OTUD6A: variants seen among roughly 807,000 people sequenced by gnomAD.
OTUD6A encodes OTU domain-containing protein 6A.
For synonymous variants in OTUD6A, 138 were observed against 120.2 expected, an observed-to-expected ratio of 1.15 and a Z score of -0.97; for missense variants, 209 against 268.2, an observed-to-expected ratio of 0.78 and a Z score of 1.54.
rs748580751 is a variant in OTUD6A, at chrX:70,063,379, G to C, written c.855G>C (p.Pro285=). The C allele has an allele frequency of 1.0e-5, 12 of 1,190,884 alleles. No individual in the cohort carries two copies. In the East Asian group the frequency reaches 3.6e-4, roughly 36 times the overall value. The change falls in exon 1 of 1, where the codon CCG becomes CCC. Residue 285 remains proline, a synonymous_variant. Transcript: ENST00000338352. ...CCGGCGCCGCCGGGGGCGTGCTCCC[G>C]CGTCTCCTGTAGGCCCCAAGGCGCT... ...LEAGAAGGVL[P]RLL is the part of the protein sequence containing the mutation.
Position 70,063,637 on chromosome X carries a change from A to C in OTUD6A, c.*246A>C, listed in dbSNP as rs1324829603. On this transcript the variant is annotated 3_prime_UTR_variant, in exon 1 of 1. Transcript: ENST00000338352. ...TGCATTGCACCACCAGAGGGGCATA[A>C]ATTTGAAAGTTCTAACCTCTTCTTG... The C allele has an allele frequency of 1.3e-5, 5 of 392,253 alleles. No homozygotes were observed. The highest frequency in any genetic ancestry group is 1.0e-4 in the African/African-American group (4 of 39,361). The allele number at this position is 392,253 out of a possible 1,213,427, so 32.3% of individuals were successfully genotyped here.
rs757064205 is a variant in OTUD6A, at chrX:70,062,964, C to T, written c.440C>T (p.Pro147Leu). The T allele has an allele frequency of 1.7e-6, 2 of 1,203,453 alleles. No homozygotes were observed. The highest frequency in any genetic ancestry group is 2.2e-5 in the Admixed American group (1 of 45,157). Reference protein sequence around the residue: ...GARGLEMKAIPADGHCMYRAI... With the variant: ...GARGLEMKAILADGHCMYRAI... Reference sequence around the variant, plus strand: ...AGGGGTCTGGAGATGAAAGCGATCCCGGCCGACGGCCACTGCATGTACCGC... The same window carrying T: ...AGGGGTCTGGAGATGAAAGCGATCCTGGCCGACGGCCACTGCATGTACCGC... The change falls in exon 1 of 1, where the codon CCG (proline) becomes CTG (leucine). Residue 147 changes from proline to leucine, a missense_variant. Physicochemically the swap from Pro to Leu is moderately conservative, Grantham distance 98 (BLOSUM62 -3). Coordinates refer to ENST00000338352, the MANE Select transcript of OTUD6A (RefSeq NM_207320.3).
rs902989065 is a variant in OTUD6A, at chrX:70,063,426, G to A, written c.*35G>A. 6 of 1,134,296 alleles carry A rather than the reference G, an allele frequency of 5.3e-6. No homozygotes were observed. In the African/African-American group the frequency reaches 7.3e-5, roughly 14 times the overall value. 93.5% of individuals were successfully genotyped at this position (1,134,296 alleles called of 1,213,427 possible). The stretch of plus-strand genomic sequence containing the variant: ...CGCTGAGCAGCCCCGGGAAACTGTC[G>A]CCGTCGCCGCATCTCCTCAGTAGGC... On this transcript the variant is annotated 3_prime_UTR_variant, in exon 1 of 1. Coordinates refer to ENST00000338352, the MANE Select transcript of OTUD6A (RefSeq NM_207320.3).
In OTUD6A at chrX:70,062,986, C is replaced by T. The variant is rs753556435; in HGVS notation, c.462C>T (p.Tyr154=). The T allele has an allele frequency of 2.5e-6, 3 of 1,210,204 alleles. No homozygotes were observed. Among genetic ancestry groups the T allele is most frequent in the Non-Finnish European group, 3.4e-6 (3 of 894,795 alleles). ...TCCCGGCCGACGGCCACTGCATGTA[C>T]CGCGCCATCCAAGACCAGCTGGTGT... ...KAIPADGHCM[Y]RAIQDQLVFS... is the part of the protein sequence containing the mutation. Residue 154 remains tyrosine, a synonymous_variant, in exon 1 of 1, where the codon TAC becomes TAT. Transcript: ENST00000338352.
rs1275524381 is a variant in OTUD6A, at chrX:70,063,751, G to A, written c.*360G>A. ...ACAAAAATGGAAATATTGGCCGGGC[G>A]CGGTGGCTCACGCCTGTAATCCCAG... On this transcript the variant is annotated 3_prime_UTR_variant, in exon 1 of 1. Coordinates refer to ENST00000338352, the MANE Select transcript of OTUD6A (RefSeq NM_207320.3). 4 of 159,908 alleles carry A rather than the reference G, an allele frequency of 2.5e-5. No homozygotes were observed. Among genetic ancestry groups the A allele is most frequent in the African/African-American group, 9.3e-5 (3 of 32,418 alleles). 13.2% of individuals were successfully genotyped at this position (159,908 alleles called of 1,213,427 possible). A position where few individuals can be genotyped will look rare whatever the true frequency, so the allele number is the denominator to read the frequency against.
Position 70,064,052 on chromosome X carries a change from G to A in OTUD6A, c.*661G>A. 9.0e-6 allele frequency: 1 copy of A among 111,468 alleles called. No individual in the cohort carries two copies. Among genetic ancestry groups the A allele is most frequent in the Admixed American group, 9.5e-5 (1 of 10,547 alleles). The allele number at this position is 111,468 out of a possible 1,213,427, so 9.2% of individuals were successfully genotyped here. ...AAAAATTAGCCAGGCAGGTTGGCGG[G>A]GGCCTGTAATCCTAGCTACTTGGGG... On this transcript the variant is annotated 3_prime_UTR_variant, in exon 1 of 1. Transcript: ENST00000338352.
rs2020458257 is a variant in OTUD6A, at chrX:70,063,123, A to G, written c.599A>G (p.Tyr200Cys). ...SNPETSDSFG[Y>C]DDFMIYCDNI... Reference sequence around the variant, plus strand: ...CCCGAGACCAGCGACTCCTTCGGCTACGACGACTTCATGATCTACTGCGAC... The same window carrying G: ...CCCGAGACCAGCGACTCCTTCGGCTGCGACGACTTCATGATCTACTGCGAC... Residue 200 changes from tyrosine (Y) to cysteine (C), a missense_variant, in exon 1 of 1, where the codon TAC becomes TGC. Transcript: ENST00000338352. 8.3e-7 allele frequency: 1 copy of G among 1,209,520 alleles called. No homozygotes were observed. Among genetic ancestry groups the G allele is most frequent in the Non-Finnish European group, 1.1e-6 (1 of 895,152 alleles).
Position 70,063,437 on chromosome X carries a change from A to G in OTUD6A, c.*46A>G. On this transcript the variant is annotated 3_prime_UTR_variant, in exon 1 of 1. Transcript: ENST00000338352. ...CCCGGGAAACTGTCGCCGTCGCCGC[A>G]TCTCCTCAGTAGGCTCAGTTTATTT... 1 of 1,119,976 alleles carries G rather than the reference A, an allele frequency of 8.9e-7. No individual in the cohort carries two copies. Among genetic ancestry groups the G allele is most frequent in the South Asian group, 2.2e-5 (1 of 46,101 alleles). 92.3% of individuals were successfully genotyped at this position (1,119,976 alleles called of 1,213,427 possible). A position where few individuals can be genotyped will look rare whatever the true frequency, so the allele number is the denominator to read the frequency against.
rs1360234577 is a variant in OTUD6A at position 70,063,343 on chromosome X, A to T, written c.819A>T (p.Thr273=). 4.2e-6 allele frequency: 5 copies of T among 1,203,211 alleles called. No individual in the cohort carries two copies. Among genetic ancestry groups the T allele is most frequent in the Admixed American group, 4.4e-5 (2 of 45,586 alleles). ...YSLGEHYNSV[T]PLEAGAAGGV... is the part of the protein sequence containing the mutation. The stretch of plus-strand genomic sequence containing the variant: ...TCGGCGAGCACTACAACTCCGTGAC[A>T]CCGCTCGAGGCCGGCGCCGCCGGGG... The change falls in exon 1 of 1, where the codon ACA becomes ACT. Residue 273 remains threonine (T), a synonymous_variant. Coordinates refer to ENST00000338352, the MANE Select transcript of OTUD6A (RefSeq NM_207320.3).
In OTUD6A at chrX:70,062,941, G is replaced by A; in HGVS notation, c.417G>A (p.Arg139=). 8.3e-7 allele frequency: 1 copy of A among 1,198,396 alleles called. No individual in the cohort carries two copies. The highest frequency in any genetic ancestry group is 1.1e-6 in the Non-Finnish European group (1 of 889,010). ...AGCTCGCCGCCATCCTGGGAGCCAG[G>A]GGTCTGGAGATGAAAGCGATCCCGG... ...EEKLAAILGA[R]GLEMKAIPAD... The change falls in exon 1 of 1, where the codon AGG becomes AGA. Residue 139 remains arginine (R), a synonymous_variant. Transcript: ENST00000338352.
rs144122625 is a variant in OTUD6A, at chrX:70,062,802, A to G, written c.278A>G (p.Lys93Arg). 6,766 of 1,204,999 alleles carry G rather than the reference A, an allele frequency of 5.6e-3. 195 individuals carry two copies. The African/African-American group carries it at 0.084, about 15-fold the overall frequency. ...GAAAACCGGCCTCCCCGCTCCTCCA[A>G]AGCCCACAGAAAGAGAGAAAGAATG... ...NLENRPPRSS[K>R]AHRKRERMES... The change falls in exon 1 of 1, where the codon AAA (lysine) becomes AGA (arginine). Residue 93 changes from lysine to arginine, a missense_variant. Lys to Arg is a conservative substitution (Grantham distance 26). Transcript: ENST00000338352.
chrX:70,063,214 G>A lies in OTUD6A; in HGVS notation c.690G>A (p.Lys230=). The part of the protein sequence containing the change: ...LELRALSHVL[K]TPIEVIQADS... ...TGAGGGCCCTGTCGCACGTCCTGAA[G>A]ACCCCCATCGAGGTGATCCAGGCCG... The change falls in exon 1 of 1, where the codon AAG becomes AAA. Residue 230 remains lysine, a synonymous_variant. Transcript: ENST00000338352. The A allele has an allele frequency of 8.3e-7, 1 of 1,211,563 alleles. No individual in the cohort carries two copies. Among genetic ancestry groups the A allele is most frequent in the Non-Finnish European group, 1.1e-6 (1 of 895,598 alleles).
Position 70,062,968 on chromosome X carries a change from C to G in OTUD6A, c.444C>G (p.Ala148=). 8.3e-7 allele frequency: 1 copy of G among 1,206,437 alleles called. No homozygotes were observed. The highest frequency in any genetic ancestry group is 1.1e-6 in the Non-Finnish European group (1 of 893,127). ...ARGLEMKAIP[A]DGHCMYRAIQ... Reference sequence around the variant, plus strand: ...GTCTGGAGATGAAAGCGATCCCGGCCGACGGCCACTGCATGTACCGCGCCA... The same window carrying G: ...GTCTGGAGATGAAAGCGATCCCGGCGGACGGCCACTGCATGTACCGCGCCA... The change falls in exon 1 of 1, where the codon GCC becomes GCG. Residue 148 remains alanine, a synonymous_variant. Transcript: ENST00000338352.
In OTUD6A at chrX:70,062,842, G is replaced by T; in HGVS notation, c.318G>T (p.Arg106Ser). The T allele has an allele frequency of 8.4e-7, 1 of 1,195,190 alleles. No individual in the cohort carries two copies. Among genetic ancestry groups the T allele is most frequent in the Non-Finnish European group, 1.1e-6 (1 of 887,253 alleles). Residue 106 changes from arginine (R) to serine (S), a missense_variant, in exon 1 of 1, where the codon AGG (arginine) becomes AGT (serine). Arg to Ser is a moderately radical substitution (Grantham distance 110). Coordinates refer to ENST00000338352, the MANE Select transcript of OTUD6A (RefSeq NM_207320.3). ...GAGAAAGAATGGAGTCCGAGGAGAG[G>T]GAGCGCCAGGAGAGCATCTTCCAGG... ...RKRERMESEERERQESIFQAE... is the reference protein window; with the variant it reads ...RKRERMESEESERQESIFQAE...
In OTUD6A at chrX:70,063,109, C is replaced by T. The variant is rs749646220; in HGVS notation, c.585C>T (p.Ser195=). 3 of 1,209,919 alleles carry T rather than the reference C, an allele frequency of 2.5e-6. No homozygotes were observed. In the East Asian group the frequency reaches 8.9e-5, roughly 36 times the overall value. ...FLPFFSNPET[S]DSFGYDDFMI... ...CCTTCTTCAGCAACCCCGAGACCAG[C>T]GACTCCTTCGGCTACGACGACTTCA... Residue 195 remains serine (S), a synonymous_variant, in exon 1 of 1, where the codon AGC becomes AGT. Transcript: ENST00000338352.
At position 70,062,768 on chromosome X, in the gene OTUD6A, A is replaced by G; in HGVS notation, c.244A>G (p.Met82Val). ...IESVVEDLAK[M>V]NLENRPPRSS... ...ATCTGTCGTCGAAGACCTGGCCAAG[A>G]TGAATCTGGAAAACCGGCCTCCCCG... The change falls in exon 1 of 1, where the codon ATG becomes GTG. Residue 82 changes from methionine to valine, a missense_variant. Physicochemically the swap from Met to Val is conservative, Grantham distance 21 (BLOSUM62 1). Transcript: ENST00000338352. 2 of 1,209,662 alleles carry G rather than the reference A, an allele frequency of 1.7e-6. No individual in the cohort carries two copies. The highest frequency in any genetic ancestry group is 1.7e-5 in the African/African-American group (1 of 57,784).
Position 70,063,940 on chromosome X carries a change from T to C in OTUD6A, c.*549T>C, listed in dbSNP as rs1221531009. 1 of 113,103 alleles carries C rather than the reference T, an allele frequency of 8.8e-6. No homozygotes were observed. Among genetic ancestry groups the C allele is most frequent in the Non-Finnish European group, 1.9e-5 (1 of 53,716 alleles). 9.3% of individuals were successfully genotyped at this position (113,103 alleles called of 1,213,427 possible). A position where few individuals can be genotyped will look rare whatever the true frequency, so the allele number is the denominator to read the frequency against. On this transcript the variant is annotated 3_prime_UTR_variant, in exon 1 of 1. Transcript: ENST00000338352. ...CGGGAGGCTAAGGCAGGAGAATCGCTTGACGGGAAGCGGAGGTTGCAGTGA... is the reference window on the plus strand; with the variant it reads ...CGGGAGGCTAAGGCAGGAGAATCGCCTGACGGGAAGCGGAGGTTGCAGTGA...
At position 70,063,205 on chromosome X, in the gene OTUD6A, C is replaced by G; in HGVS notation, c.681C>G (p.His227Gln). 8.3e-7 allele frequency: 1 copy of G among 1,211,702 alleles called. No individual in the cohort carries two copies. The highest frequency in any genetic ancestry group is 1.1e-6 in the Non-Finnish European group (1 of 895,578). ...GGQLELRALS[H>Q]VLKTPIEVIQ... ...AGCTGGAGCTGAGGGCCCTGTCGCACGTCCTGAAGACCCCCATCGAGGTGA... is the reference window on the plus strand; with the variant it reads ...AGCTGGAGCTGAGGGCCCTGTCGCAGGTCCTGAAGACCCCCATCGAGGTGA... Residue 227 changes from histidine to glutamine, a missense_variant, in exon 1 of 1, where the codon CAC becomes CAG. Coordinates refer to ENST00000338352, the MANE Select transcript of OTUD6A (RefSeq NM_207320.3).
rs1196611461 is a variant in OTUD6A, at chrX:70,063,994, T to C, written c.*603T>C. 1 of 112,102 alleles carries C rather than the reference T, an allele frequency of 8.9e-6. No homozygotes were observed. The highest frequency in any genetic ancestry group is 1.9e-5 in the Non-Finnish European group (1 of 53,260). 9.2% of individuals were successfully genotyped at this position (112,102 alleles called of 1,213,427 possible). On this transcript the variant is annotated 3_prime_UTR_variant, in exon 1 of 1. Transcript: ENST00000338352. Reference sequence around the variant, plus strand: ...GAGATCGTGCCTTTGCACTCCAGCGTGGAAGACAGTGAGACTCCGTCTCAA... The same window carrying C: ...GAGATCGTGCCTTTGCACTCCAGCGCGGAAGACAGTGAGACTCCGTCTCAA...
Sources: allele counts gnomAD v4.1 joint callset, GRCh38; gene constraint gnomAD v4.1.1; transcripts MANE v1.5; gene names NCBI Gene and HGNC (gene_info 2026-07-23, HGNC 2026-07-21).